Variants in GLI2 observed in about 807,000 individuals in gnomAD.
GLI2 encodes GLI family zinc finger 2.
A neutral mutation model predicts 78.9 loss-of-function variants in GLI2; 22 were observed. That is an observed-to-expected ratio of 0.28 (90% CI 0.20 to 0.40). The LOEUF (loss-of-function observed/expected upper bound fraction) is 0.40, where lower values mean the gene tolerates loss of function less well. Among genes scored for constraint, GLI2 ranks in the 10% least tolerant of loss-of-function variants. The probability of loss-of-function intolerance (pLI) is 1.00; values close to 1 mark genes in which losing one functional copy is unlikely to be tolerated. For synonymous variants in GLI2, 974 were observed against 963.7 expected, an observed-to-expected ratio of 1.01 and a Z score of -0.20; for missense variants, 2,097 against 2,213.2, an observed-to-expected ratio of 0.95 and a Z score of 1.05.
chr2:120,930,740 C>T (rs1284809935), intron 3 of GLI2, among the ~76,000 whole-genome samples: 1 of 152,220 alleles, frequency 6.6e-6, no homozygotes, highest in East Asian at 1.9e-4. Context: ...AATGCAGTTG[C>T]AGGCTCCAGC....
chr2:120,947,961 T>C (rs2104939878), intron 3 of GLI2, among the ~76,000 whole-genome samples: 1 of 152,316 alleles, frequency 6.6e-6, no homozygotes, highest in African/African-American at 2.4e-5. Context: ...GTTGGACCTG[T>C]TGTGGAGGCT....
chr2:120,942,495 A>T (rs1680495880), intron 3 of GLI2, among the ~76,000 whole-genome samples: 1 of 152,218 alleles, frequency 6.6e-6, no homozygotes, highest in African/African-American at 2.4e-5. Context: ...GGGCCCACTC[A>T]GGTAACCCAT....
At chr2:120,783,109 A>T (rs963643844) in intron 1 of GLI2, among the ~76,000 whole-genome samples, 1 of 152,118 alleles carries the variant, frequency 6.6e-6, no homozygotes, top group Non-Finnish European at 1.5e-5. Context: ...CCATGCTCAG[A>T]CCCAAATTTG....
At chr2:120,806,790 G>A (rs559813339) in intron 2 of GLI2, among the ~76,000 whole-genome samples, 1 of 152,300 alleles carries the variant, frequency 6.6e-6, no homozygotes, top group South Asian at 2.1e-4. Context: ...GAGGGAAAGC[G>A]CCATTTGAAG....
At chr2:120,811,581 C>T (rs1029999752) in intron 2 of GLI2, among the ~76,000 whole-genome samples, 1 of 152,242 alleles carries the variant, frequency 6.6e-6, no homozygotes, top group Non-Finnish European at 1.5e-5. Flanking sequence ...GGAGCAGCGC[C>T]TGCTGGAGAG....
chr2:120,966,529 C>T (rs1488255966), intron 5 of GLI2, among the ~76,000 whole-genome samples: 1 of 152,228 alleles, frequency 6.6e-6, no homozygotes, highest in South Asian at 2.1e-4. Context: ...GGAGAGAAAA[C>T]CCTGGAAGCC....
At chr2:120,775,228 T>C (rs550100587) in intron 1 of GLI2, among the ~76,000 whole-genome samples, 17 of 152,376 alleles carry the variant, frequency 1.1e-4, no homozygotes, top group African/African-American at 3.8e-4. Flanking sequence ...CCTGCTGTGA[T>C]TGAAGCTGTG....
chr2:120,954,430 C>T lies in GLI2; in HGVS notation c.458-815C>T, dbSNP rs1573666489. 3.3e-5 allele frequency among the ~76,000 whole-genome samples: 5 copies of T among 152,098 alleles called. No homozygotes were observed. In the South Asian group the frequency reaches 6.2e-4, roughly 19 times the overall value. On this transcript the variant is annotated intron_variant, in intron 4 of 13. Transcript: ENST00000361492. ...ATGGCAAGAAGGAGGCAGAGGAGGA[C>T]GGCAGCTTCCATGGCCTGGTCTCCT... is the stretch of plus-strand genomic sequence containing the variant.
intron 1 of GLI2, among the ~76,000 whole-genome samples, chr2:120,794,755 G>A (rs558137266): frequency 3.3e-5 from 5 of 152,222 alleles, no homozygotes; most frequent in African/African-American, 1.2e-4. Context: ...GTGCTAGTAG[G>A]CCATTCAGAT....
chr2:120,927,529 C>G, intron 3 of GLI2, 63 bp downstream of exon 3: 1 of 1,091,042 alleles, frequency 9.2e-7, no homozygotes, highest in Non-Finnish European at 1.4e-6. Flanking sequence ...GAGGCTGGGC[C>G]GGCAGCCTCA....
chr2:120,888,348 C>T (rs190457589), intron 2 of GLI2, among the ~76,000 whole-genome samples: 7 of 152,372 alleles, frequency 4.6e-5, no homozygotes, highest in Admixed American at 4.6e-4. Context: ...ACATCTGTGA[C>T]ACCTGTTGAC....
chr2:120,942,608 C>T (rs1274663456), intron 3 of GLI2, among the ~76,000 whole-genome samples: 2 of 152,246 alleles, frequency 1.3e-5, no homozygotes, highest in African/African-American at 4.8e-5. Flanking sequence ...GGACATATCT[C>T]TGGGAGATCT....
At chr2:120,980,975 G>A (rs1283491336) in intron 10 of GLI2, among the ~76,000 whole-genome samples, 1 of 151,902 alleles carries the variant, frequency 6.6e-6, no homozygotes, top group Admixed American at 6.6e-5. Context: ...CCGCATCCCA[G>A]GTTCAAGCGA....
intron 2 of GLI2, among the ~76,000 whole-genome samples, chr2:120,862,634 A>AG (rs1446960406): frequency 6.6e-6 from 1 of 152,176 alleles, no homozygotes. Context: ...TGAGCTGGGC[A>AG]GGTGGGGGGC....
chr2:120,897,981 C>T (rs555324632), intron 2 of GLI2, among the ~76,000 whole-genome samples: 1 of 151,818 alleles, frequency 6.6e-6, no homozygotes, highest in Non-Finnish European at 1.5e-5. Context: ...TGATGCTGAC[C>T]CTTGGGAACT....
intron 2 of GLI2, among the ~76,000 whole-genome samples, chr2:120,870,890 C>T (rs1311842184): frequency 6.6e-6 from 1 of 152,146 alleles, no homozygotes; most frequent in African/African-American, 2.4e-5. Flanking sequence ...CCATCAGGCA[C>T]CAATTCTAGA....
chr2:120,841,683 C>T (rs1686877795), intron 2 of GLI2, among the ~76,000 whole-genome samples: 1 of 152,212 alleles, frequency 6.6e-6, no homozygotes. Flanking sequence ...TCTGGTATGC[C>T]AGGTGCTGGC....
At chr2:120,906,696 C>T (rs1678551069) in intron 2 of GLI2, among the ~76,000 whole-genome samples, 1 of 152,094 alleles carries the variant, frequency 6.6e-6, no homozygotes, top group Admixed American at 6.5e-5. Context: ...TCCACAGCAT[C>T]TCAAACTCAG....
At chr2:120,784,999 GAAACCTGTGCCACCCAAAT>G in intron 1 of GLI2, among the ~76,000 whole-genome samples, 1 of 152,168 alleles carries the variant, frequency 6.6e-6, no homozygotes, top group African/African-American at 2.4e-5. Flanking sequence ...AGGCCCTCAG[GAAACCTGTGCCACCCAAAT>G]AAAGAACGTC....
Sources: allele counts gnomAD v4.1 joint callset (sites outside exome capture counted in the v4.1 genomes callset), GRCh38; gene constraint gnomAD v4.1.1; transcripts MANE v1.5; gene names NCBI Gene and HGNC (gene_info 2026-07-23, HGNC 2026-07-21).